The following CEP112 variants were observed in gnomAD, a reference collection of about 807,000 sequenced individuals.
CEP112 encodes centrosomal protein 112.
CEP112 carries 127 observed loss-of-function variants against 153.0 expected under a neutral mutation model. That is an observed-to-expected ratio of 0.83 (90% CI 0.72 to 0.96). CEP112 has a LOEUF of 0.96. Among genes scored for constraint, CEP112 ranks in the 40% least tolerant of loss-of-function variants. The pLI is 0.00. For missense variants in CEP112, 1,089 were observed against 1,101.2 expected, an observed-to-expected ratio of 0.99 and a Z score of 0.16; for synonymous variants, 358 against 374.4, an observed-to-expected ratio of 0.96 and a Z score of 0.51.
chr17:66,060,898 A>T (rs1443824302), intron 11 of CEP112, among the ~76,000 whole-genome samples: 3 of 151,522 alleles, frequency 2.0e-5, no homozygotes, highest in African/African-American at 7.3e-5. Context: ...AGCAAGGAAA[A>T]AAAAAAAGAC....
intron 23 of CEP112, among the ~76,000 whole-genome samples, chr17:65,708,317 G>T (rs557737249): frequency 6.6e-6 from 1 of 151,776 alleles, no homozygotes; most frequent in Non-Finnish European, 1.5e-5. Context: ...TCCCACTAAG[G>T]GATCAAACCC....
intron 4 of CEP112, among the ~76,000 whole-genome samples, chr17:66,146,937 CCTGA>C (rs1365722259): frequency 6.6e-6 from 1 of 152,046 alleles, no homozygotes; most frequent in Non-Finnish European, 1.5e-5. Context: ...GCTTCTACCT[CCTGA>C]CTATTGCAAA....
chr17:65,652,533 T>C (rs2143641704), intron 24 of CEP112, among the ~76,000 whole-genome samples: 1 of 152,170 alleles, frequency 6.6e-6, no homozygotes, highest in South Asian at 2.1e-4. Flanking sequence ...ATATATTCCA[T>C]TTAGCCAATT....
At chr17:65,685,962 C>T (rs2047766658) in intron 24 of CEP112, among the ~76,000 whole-genome samples, 1 of 151,834 alleles carries the variant, frequency 6.6e-6, no homozygotes, top group Non-Finnish European at 1.5e-5. Flanking sequence ...TGTGCCCAGC[C>T]TAATTCTAAT....
At chr17:65,811,179 A>G (rs760017430) in intron 21 of CEP112, among the ~76,000 whole-genome samples, 5 of 152,318 alleles carry the variant, frequency 3.3e-5, no homozygotes, top group Middle Eastern at 3.4e-3. Context: ...AGTAGAGTAC[A>G]TGAGTGTTTG....
rs1002223583 is a variant in CEP112 at position 65,975,092 on chromosome 17, T to G, written c.1737-13494A>C. 9.6e-4 allele frequency among the ~76,000 whole-genome samples: 146 copies of G among 152,206 alleles called. 1 individual carries two copies. Among genetic ancestry groups the G allele is most frequent in the Non-Finnish European group, 2.8e-4 (19 of 68,034 alleles). ...ATAAATAACCAAATCAACTTTAGAA[T>G]ACAATCTTTGGATCATGTGCTCTTG... is the stretch of plus-strand genomic sequence containing the variant. On this transcript the variant is annotated intron_variant, in intron 17 of 26. Transcript: ENST00000535342.
intron 8 of CEP112, among the ~76,000 whole-genome samples, chr17:66,076,888 G>A (rs2067520894): frequency 6.6e-6 from 1 of 152,190 alleles, no homozygotes; most frequent in African/African-American, 2.4e-5. Flanking sequence ...ACTCTGTGCA[G>A]ACAACCCCCA....
intron 23 of CEP112, among the ~76,000 whole-genome samples, chr17:65,737,951 G>A (rs1297152609): frequency 6.6e-6 from 1 of 152,196 alleles, no homozygotes; most frequent in Non-Finnish European, 1.5e-5. Flanking sequence ...GGTCATGTCT[G>A]CTGGTCTGTC....
At chr17:65,822,270 A>G (rs532393441) in intron 21 of CEP112, among the ~76,000 whole-genome samples, 2 of 152,204 alleles carry the variant, frequency 1.3e-5, no homozygotes, top group East Asian at 1.9e-4. Flanking sequence ...AATCAGATGT[A>G]TGGCGTAGGA....
At chr17:65,654,862 T>A in intron 24 of CEP112, 1 of 456,194 alleles carries the variant, frequency 2.2e-6, no homozygotes, top group Non-Finnish European at 4.2e-6. Context: ...AAATTCTGAA[T>A]AAGATTGAGG....
chr17:66,012,497 G>C (rs957145586), intron 16 of CEP112, among the ~76,000 whole-genome samples: 1 of 152,124 alleles, frequency 6.6e-6, no homozygotes, highest in Admixed American at 6.5e-5. Context: ...AGCTTAGTTT[G>C]CTGGGACATA....
Position 65,892,957 on chromosome 17 carries a change from G to A in CEP112, c.2163+9195C>T, listed in dbSNP as rs555962083. 4.6e-5 allele frequency among the ~76,000 whole-genome samples: 7 copies of A among 152,112 alleles called. No homozygotes were observed. The South Asian group carries it at 1.2e-3, about 27-fold the overall frequency. ...GTCCCACTTGACCCTAGGGATCTGG[G>A]GTTTGTTTTCGTAATAAATACTGAC... is the stretch of plus-strand genomic sequence containing the variant. On this transcript the variant is annotated intron_variant, in intron 20 of 26. Transcript: ENST00000535342.
At chr17:65,989,563 A>T (rs1222049405) in intron 17 of CEP112, among the ~76,000 whole-genome samples, 1 of 152,188 alleles carries the variant, frequency 6.6e-6, no homozygotes, top group Non-Finnish European at 1.5e-5. Flanking sequence ...TTCCCTGACA[A>T]ACAAAAGCTG....
At chr17:65,759,174 T>G (rs2052461027) in intron 21 of CEP112, among the ~76,000 whole-genome samples, 1 of 152,180 alleles carries the variant, frequency 6.6e-6, no homozygotes, top group Admixed American at 6.5e-5. Context: ...TTACCCTATA[T>G]TGTCTAAAAA....
At chr17:65,967,076 G>A (rs1444312424) in intron 17 of CEP112, among the ~76,000 whole-genome samples, 1 of 152,164 alleles carries the variant, frequency 6.6e-6, no homozygotes, top group Non-Finnish European at 1.5e-5. Flanking sequence ...TAAGGGAAAA[G>A]CTTGAAACAG....
chr17:65,700,284 C>T (rs564125498), intron 23 of CEP112, among the ~76,000 whole-genome samples: 3 of 152,294 alleles, frequency 2.0e-5, no homozygotes, highest in African/African-American at 7.2e-5. Flanking sequence ...ACATTACCCT[C>T]AAAAAGCATC....
At chr17:65,807,012 TC>T (rs2055646932) in intron 21 of CEP112, among the ~76,000 whole-genome samples, 1 of 152,142 alleles carries the variant, frequency 6.6e-6, no homozygotes, top group Non-Finnish European at 1.5e-5. Context: ...GTTTGGAACC[TC>T]ATAGAGATTT....
chr17:65,857,411 A>T (rs1034799592), intron 20 of CEP112, among the ~76,000 whole-genome samples: 1 of 152,120 alleles, frequency 6.6e-6, no homozygotes, highest in Non-Finnish European at 1.5e-5. Flanking sequence ...CTTAAGTCCT[A>T]ATCTTTTTGC....
intron 8 of CEP112, among the ~76,000 whole-genome samples, chr17:66,082,807 ACAAAC>A (rs1252897168): frequency 6.6e-6 from 1 of 151,660 alleles, no homozygotes; most frequent in Admixed American, 6.6e-5. Context: ...AGCCACCAAA[ACAAAC>A]CACTATAATT....
Sources: allele counts gnomAD v4.1 joint callset (sites outside exome capture counted in the v4.1 genomes callset), GRCh38; gene constraint gnomAD v4.1.1; transcripts MANE v1.5; gene names NCBI Gene and HGNC (gene_info 2026-07-23, HGNC 2026-07-21).